Variants in TSPAN2 observed in about 807,000 individuals in gnomAD.
TSPAN2 encodes the protein tetraspanin-2.
In TSPAN2, 24 loss-of-function variants were observed where a neutral mutation model predicts 33.3. The ratio of observed to expected loss-of-function variants is 0.72; its 90% CI spans 0.52 to 1.01. The LOEUF (loss-of-function observed/expected upper bound fraction) is 1.01, where lower values mean the gene tolerates loss of function less well. TSPAN2 is among the 50% of genes least tolerant of loss of function. The pLI is 0.00. For synonymous variants in TSPAN2, 114 were observed against 104.5 expected, an observed-to-expected ratio of 1.09 and a Z score of -0.56; for missense variants, 278 against 281.3, an observed-to-expected ratio of 0.99 and a Z score of 0.08.
intron 1 of TSPAN2, 24 bp downstream of exon 1, chr1:115,089,340 G>T (rs975308178): frequency 6.4e-6 from 9 of 1,396,800 alleles, no homozygotes; most frequent in African/African-American, 2.9e-5. Flanking sequence ...TGCCCTGACC[G>T]GCCCTCCCGG....
rs909376092 is a variant in TSPAN2 at position 115,049,930 on chromosome 1, C to T, written c.*560G>A. The T allele has an allele frequency of 1.3e-5, 2 of 153,354 alleles. No homozygotes were observed. Among genetic ancestry groups the T allele is most frequent in the African/African-American group, 4.8e-5 (2 of 41,396 alleles). The allele number at this position is 153,354 out of a possible 1,614,324, so 9.5% of individuals were successfully genotyped here. A position where few individuals can be genotyped will look rare whatever the true frequency, so the allele number is the denominator to read the frequency against. ...TGTTTAGTTCTAAAACTGTGGTTTA[C>T]TGTATTCTGGGGAGAGCATGTATAT... On this transcript the variant is annotated 3_prime_UTR_variant, in exon 8 of 8. Coordinates refer to ENST00000369516, the MANE Select transcript of TSPAN2 (RefSeq NM_005725.6).
At chr1:115,077,990 G>T (rs1327040676) in intron 1 of TSPAN2, among the ~76,000 whole-genome samples, 3 of 152,204 alleles carry the variant, frequency 2.0e-5, no homozygotes, top group Non-Finnish European at 2.9e-5. Context: ...GCCCCCTTTG[G>T]GGGTAAAAAG....
At chr1:115,075,202 A>G (rs1648355224) in intron 1 of TSPAN2, among the ~76,000 whole-genome samples, 1 of 152,202 alleles carries the variant, frequency 6.6e-6, no homozygotes. Flanking sequence ...TGCATAATGG[A>G]AAATTAAAAG....
intron 1 of TSPAN2, among the ~76,000 whole-genome samples, chr1:115,074,359 C>T (rs968121581): frequency 3.3e-5 from 5 of 152,152 alleles, no homozygotes; most frequent in Admixed American, 6.5e-5. Flanking sequence ...TCTCCCAAGG[C>T]CAATCCCCTT....
At position 115,072,918 on chromosome 1, in the gene TSPAN2, C is replaced by T. The variant is rs1375879709; in HGVS notation, c.159G>A (p.Glu53=). 2 of 1,613,876 alleles carry T rather than the reference C, an allele frequency of 1.2e-6. No homozygotes were observed. The highest frequency in any genetic ancestry group is 1.7e-6 in the Non-Finnish European group (2 of 1,179,754). The change falls in exon 2 of 8, where the codon GAG becomes GAA. Residue 53 remains glutamate (E), a synonymous_variant. Coordinates refer to ENST00000369516, the MANE Select transcript of TSPAN2 (RefSeq NM_005725.6). The part of the protein sequence containing the change: ...KELSSEDKSP[E]YFYVGLYVLV... Reference sequence around the variant, plus strand: ...GGAGTCACTCACCCACATAGAAATACTCTGGGGACTTGTCCTCTGATGATA... The same window carrying T: ...GGAGTCACTCACCCACATAGAAATATTCTGGGGACTTGTCCTCTGATGATA...
rs751512717 is a variant in TSPAN2, at chr1:115,050,466, T to C, written c.*24A>G. 5.6e-6 allele frequency: 9 copies of C among 1,609,848 alleles called. No homozygotes were observed. The East Asian group carries it at 2.0e-4, about 36-fold the overall frequency. ...GACATTTGGTATGAAAGCTTTAGATTGCAATTTTCATGTAGAAGTAGCTTC... is the reference window on the plus strand; with the variant it reads ...GACATTTGGTATGAAAGCTTTAGATCGCAATTTTCATGTAGAAGTAGCTTC... On this transcript the variant is annotated 3_prime_UTR_variant, in exon 8 of 8. Coordinates refer to ENST00000369516, the MANE Select transcript of TSPAN2 (RefSeq NM_005725.6).
In TSPAN2 at chr1:115,060,602, C is replaced by T. The variant is rs902879365; in HGVS notation, c.271-64G>A. ...ACCTTTTCAATTTATATATTTTGCA[C>T]CTTAGTTTCCTTATGTAATGGCTGA... On this transcript the variant is annotated intron_variant, in intron 3 of 7. Coordinates refer to ENST00000369516, the MANE Select transcript of TSPAN2 (RefSeq NM_005725.6). 201 of 1,258,990 alleles carry T rather than the reference C, an allele frequency of 1.6e-4. 1 individual carries two copies. Among genetic ancestry groups the T allele is most frequent in the South Asian group, 7.9e-4 (60 of 75,786 alleles). The allele number at this position is 1,258,990 out of a possible 1,614,324, so 78.0% of individuals were successfully genotyped here. A position where few individuals can be genotyped will look rare whatever the true frequency, so the allele number is the denominator to read the frequency against.
chr1:115,075,542 C>T (rs951134077), intron 1 of TSPAN2, among the ~76,000 whole-genome samples: 1 of 152,042 alleles, frequency 6.6e-6, no homozygotes. Context: ...GCTCTGTGTT[C>T]ACTGGGCTTT....
At chr1:115,052,436 C>T (rs545749493) in intron 7 of TSPAN2, among the ~76,000 whole-genome samples, 18 of 152,268 alleles carry the variant, frequency 1.2e-4, no homozygotes, top group African/African-American at 4.3e-4. Flanking sequence ...TCCTTTAACC[C>T]GCCTTCCAAA....
chr1:115,059,954 A>C (rs1454446291), intron 4 of TSPAN2, among the ~76,000 whole-genome samples: 1 of 152,148 alleles, frequency 6.6e-6, no homozygotes, highest in East Asian at 1.9e-4. Flanking sequence ...AGAGGAAGAA[A>C]GGCTACTTCC....
rs1647549281 is a variant in TSPAN2 at position 115,058,970 on chromosome 1, A to G, written c.357T>C (p.His119=). The stretch of plus-strand genomic sequence containing the variant: ...AAGCCTCTTCATACATGGTCTGAAC[A>G]TGTCGGATAGCCTGAAGAAATACAA... ...AFIGKGVAIR[H]VQTMYEEAYN... Residue 119 remains histidine (H), a synonymous_variant, in exon 5 of 8, where the codon CAT becomes CAC. Coordinates refer to ENST00000369516, the MANE Select transcript of TSPAN2 (RefSeq NM_005725.6). 4 of 1,613,446 alleles carry G rather than the reference A, an allele frequency of 2.5e-6. No individual in the cohort carries two copies. In the African/African-American group the frequency reaches 5.3e-5, roughly 22 times the overall value.
At chr1:115,072,723 C>T (rs1280461290) in intron 2 of TSPAN2, among the ~76,000 whole-genome samples, 182 bp downstream of exon 2, 2 of 152,166 alleles carry the variant, frequency 1.3e-5, no homozygotes, top group Non-Finnish European at 1.5e-5. Context: ...CTCTACCTGT[C>T]TCCAGCAGAC....
intron 6 of TSPAN2, among the ~76,000 whole-genome samples, chr1:115,056,876 C>A (rs983723607): frequency 3.3e-5 from 5 of 152,070 alleles, no homozygotes; most frequent in African/African-American, 1.2e-4. Flanking sequence ...GCCTGGTGAC[C>A]ATTCCCTCCC....
intron 2 of TSPAN2, 138 bp from the exon 3 acceptor site, chr1:115,062,370 C>T (rs757061962): frequency 7.0e-5 from 45 of 645,608 alleles, no homozygotes; most frequent in Non-Finnish European, 1.1e-4. Context: ...ATGTTTGACA[C>T]GGAGGAACTG....
At chr1:115,071,708 T>C (rs970967402) in intron 2 of TSPAN2, among the ~76,000 whole-genome samples, 1 of 152,220 alleles carries the variant, frequency 6.6e-6, no homozygotes, top group African/African-American at 2.4e-5. Context: ...TTTCCTGAAA[T>C]GTGGAATGTC....
chr1:115,089,123 G>C (rs771153630), intron 1 of TSPAN2, among the ~76,000 whole-genome samples: 1 of 152,170 alleles, frequency 6.6e-6, no homozygotes, highest in Non-Finnish European at 1.5e-5. Context: ...TTCCAGGAAA[G>C]AGCCACACGG....
intron 1 of TSPAN2, among the ~76,000 whole-genome samples, chr1:115,076,801 C>T (rs6681880): frequency 0.27 from 41,070 of 152,018 alleles, 5,659 homozygotes; most frequent in East Asian, 0.39. Context: ...CTCAAGGAGA[C>T]GCTAATCCCC....
At chr1:115,052,593 AT>A (rs1647218704) in intron 7 of TSPAN2, among the ~76,000 whole-genome samples, 1 of 151,906 alleles carries the variant, frequency 6.6e-6, no homozygotes, top group Non-Finnish European at 1.5e-5. Context: ...TACTCTCTCC[AT>A]TACCACCTCT....
intron 5 of TSPAN2, chr1:115,058,293 A>G (rs1647515981): frequency 6.3e-6 from 1 of 157,638 alleles, no homozygotes; most frequent in South Asian, 1.9e-4. Context: ...AAAAATCAGA[A>G]TAACTCTGGC....
Sources: allele counts gnomAD v4.1 joint callset (sites outside exome capture counted in the v4.1 genomes callset), GRCh38; gene constraint gnomAD v4.1.1; transcripts MANE v1.5; gene names NCBI Gene and HGNC (gene_info 2026-07-23, HGNC 2026-07-21).